Variants in SGCZ observed in about 807,000 individuals in gnomAD.
SGCZ encodes the protein sarcoglycan zeta.
A neutral mutation model predicts 41.3 loss-of-function variants in SGCZ; 40 were observed. The observed-to-expected ratio is 0.97, with a 90% CI of 0.75 to 1.26. The LOEUF is 1.26. Ranked by LOEUF, SGCZ falls within the 50% of genes most tolerant of loss-of-function variation. SGCZ has a pLI of 0.00. For missense variants in SGCZ, 552 were observed against 369.8 expected (o/e 1.49, Z -4.04); for synonymous variants, 206 against 137.5 (o/e 1.50, Z -3.49).
At chr8:14,798,729 A>AT (rs35651618) in intron 1 of SGCZ, among the ~76,000 whole-genome samples, 82,205 of 151,728 alleles carry the variant, frequency 0.54, 22,495 homozygotes, top group East Asian at 0.73. Flanking sequence ...CATTATTTTC[A>AT]TTTTTATATT....
At chr8:14,236,775 T>C (rs565544169) in intron 4 of SGCZ, among the ~76,000 whole-genome samples, 3 of 151,744 alleles carry the variant, frequency 2.0e-5, no homozygotes, top group South Asian at 2.1e-4. Context: ...ATTCAGAATC[T>C]ACATGCATAT....
chr8:14,669,314 T>C (rs1808019207), intron 1 of SGCZ, among the ~76,000 whole-genome samples: 1 of 150,986 alleles, frequency 6.6e-6, no homozygotes, highest in Admixed American at 6.6e-5. Flanking sequence ...AGCCAAGACA[T>C]GCCACTGCAC....
intron 7 of SGCZ, among the ~76,000 whole-genome samples, chr8:14,091,902 G>C (rs889399431): frequency 1.1e-4 from 17 of 152,136 alleles, no homozygotes; most frequent in African/African-American, 3.9e-4. Context: ...CCTATGTCCT[G>C]AATGGCATTG....
chr8:14,730,242 A>G (rs975824216), intron 1 of SGCZ, among the ~76,000 whole-genome samples: 1 of 152,168 alleles, frequency 6.6e-6, no homozygotes, highest in Non-Finnish European at 1.5e-5. Flanking sequence ...CACATTCTTT[A>G]TCTGTTTAAT....
chr8:14,116,410 C>A (rs1291145734), intron 5 of SGCZ, among the ~76,000 whole-genome samples: 5 of 152,014 alleles, frequency 3.3e-5, no homozygotes, highest in African/African-American at 7.2e-5. Flanking sequence ...TTTTTTGGGT[C>A]TCTCTGCCGA....
chr8:14,996,680 T>C (rs1398648769), intron 1 of SGCZ, among the ~76,000 whole-genome samples: 1 of 152,212 alleles, frequency 6.6e-6, no homozygotes, highest in East Asian at 1.9e-4. Flanking sequence ...AAGTTCTAGA[T>C]ATGGTTAGCA....
intron 1 of SGCZ, among the ~76,000 whole-genome samples, chr8:14,931,348 A>G (rs1799918036): frequency 6.6e-6 from 1 of 152,038 alleles, no homozygotes; most frequent in African/African-American, 2.4e-5. Flanking sequence ...TCTATTCTTG[A>G]GTTCCTACTT....
intron 4 of SGCZ, among the ~76,000 whole-genome samples, chr8:14,236,891 T>G (rs971767577): frequency 6.6e-6 from 1 of 151,800 alleles, no homozygotes; most frequent in Non-Finnish European, 1.5e-5. Flanking sequence ...AATATTTATT[T>G]GCTATGAGAA....
chr8:14,093,875 C>T (rs1801762992), intron 7 of SGCZ, among the ~76,000 whole-genome samples: 1 of 152,008 alleles, frequency 6.6e-6, no homozygotes, highest in South Asian at 2.1e-4. Context: ...AGTAAAAATC[C>T]ATTTGTAATG....
chr8:14,705,764 G>C (rs937357179), intron 1 of SGCZ, among the ~76,000 whole-genome samples: 1 of 152,010 alleles, frequency 6.6e-6, no homozygotes, highest in African/African-American at 2.4e-5. Flanking sequence ...TTGGAAAACA[G>C]TTTTTCTGAA....
chr8:14,179,978 C>T (rs11992888), intron 4 of SGCZ, among the ~76,000 whole-genome samples: 36,104 of 152,058 alleles, frequency 0.24, 6,099 homozygotes, highest in African/African-American at 0.48. Flanking sequence ...CTCTCTGCCA[C>T]AGCACTCTTT....
At chr8:14,571,634 G>A (rs10503501) in intron 1 of SGCZ, among the ~76,000 whole-genome samples, 25,718 of 151,934 alleles carry the variant, frequency 0.17, 2,661 homozygotes, top group Non-Finnish European at 0.23. Context: ...CAGAGGCTTC[G>A]AGCTCTATAT....
chr8:14,298,657 C>T (rs2116965236), intron 3 of SGCZ, among the ~76,000 whole-genome samples: 1 of 151,972 alleles, frequency 6.6e-6, no homozygotes, highest in South Asian at 2.1e-4. Context: ...TCATTGAAAA[C>T]TATAAAATAT....
At chr8:14,216,918 G>T (rs953065461) in intron 4 of SGCZ, among the ~76,000 whole-genome samples, 1 of 152,136 alleles carries the variant, frequency 6.6e-6, no homozygotes, top group Non-Finnish European at 1.5e-5. Flanking sequence ...TAGCACAAGA[G>T]AAACTGTAGC....
At chr8:15,208,153 C>A (rs571655589) in intron 1 of SGCZ, among the ~76,000 whole-genome samples, 8 of 152,222 alleles carry the variant, frequency 5.3e-5, no homozygotes, top group African/African-American at 1.9e-4. Flanking sequence ...CCTTTCAAGG[C>A]CAAAATAAGT....
chr8:15,142,752 C>G (rs1353289155), intron 1 of SGCZ, among the ~76,000 whole-genome samples: 6 of 151,340 alleles, frequency 4.0e-5, no homozygotes, highest in Admixed American at 4.0e-4. Context: ...GCTGGGCCTA[C>G]AGGCACACAT....
intron 2 of SGCZ, among the ~76,000 whole-genome samples, chr8:14,405,521 A>G (rs1799189425): frequency 6.6e-6 from 1 of 152,322 alleles, no homozygotes; most frequent in Non-Finnish European, 1.5e-5. Flanking sequence ...CAAATATGGT[A>G]GGCAGACCAA....
chr8:14,116,418 C>G (rs1802524846), intron 5 of SGCZ, among the ~76,000 whole-genome samples: 1 of 151,928 alleles, frequency 6.6e-6, no homozygotes, highest in Non-Finnish European at 1.5e-5. Flanking sequence ...GTCTCTCTGC[C>G]GATGAGAAAA....
intron 1 of SGCZ, among the ~76,000 whole-genome samples, chr8:14,914,559 T>A (rs1213723113): frequency 6.6e-6 from 1 of 152,126 alleles, no homozygotes; most frequent in African/African-American, 2.4e-5. Context: ...AAAAGGCTTA[T>A]CAAGAGCGTT....
Sources: gnomAD v4.1 joint callset for allele counts (sites outside exome capture counted in the v4.1 genomes callset) on GRCh38, gnomAD v4.1.1 for gene constraint, MANE v1.5 for transcripts, NCBI Gene and HGNC (gene_info 2026-07-23, HGNC 2026-07-21) for gene names.